Variants in SBF2 observed in about 807,000 individuals in gnomAD.
SBF2 encodes the protein SET binding factor 2, also known as myotubularin-related protein 13.
Under a neutral mutation model 225.2 loss-of-function variants are expected in SBF2, and 112 were observed. The observed-to-expected ratio is 0.50, with a 90% CI of 0.43 to 0.58. SBF2 has a LOEUF of 0.58. Among genes scored for constraint, SBF2 ranks in the 20% least tolerant of loss-of-function variants. SBF2 has a pLI of 0.00. For missense variants in SBF2, 1,996 were observed against 2,206.2 expected (o/e 0.90, Z 1.91); for synonymous variants, 763 against 773.3 (o/e 0.99, Z 0.22).
upstream of SBF2, among the ~76,000 whole-genome samples, chr11:10,295,694 C>T (rs1232632619): frequency 6.6e-6 from 1 of 152,022 alleles, no homozygotes; most frequent in Non-Finnish European, 1.5e-5. Flanking sequence ...AATCTTACTT[C>T]CTTGGGAGGC....
Position 10,186,461 on chromosome 11 carries a change from G to A in SBF2, c.141+7441C>T, listed in dbSNP as rs890792270. Among the ~76,000 whole-genome samples the A allele has an allele frequency of 2.0e-5, 3 of 152,152 alleles. No homozygotes were observed. The East Asian group carries it at 5.8e-4, about 29-fold the overall frequency. Reference sequence around the variant, plus strand: ...GGCAGGAGATCGCTTGAGTCCAGGAGTTCGTGGTTACAATGAACTAAGATC... The same window carrying A: ...GGCAGGAGATCGCTTGAGTCCAGGAATTCGTGGTTACAATGAACTAAGATC... On this transcript the variant is annotated intron_variant, in intron 2 of 39. Transcript: ENST00000256190.
intron 2 of SBF2, among the ~76,000 whole-genome samples, chr11:10,182,268 A>T (rs116486957): frequency 1.4e-3 from 206 of 152,292 alleles, no homozygotes; most frequent in African/African-American, 4.8e-3. Context: ...TTCCTTACGT[A>T]CCTTTGAAAG....
intron 6 of SBF2, among the ~76,000 whole-genome samples, chr11:10,027,658 G>A (rs1949099042): frequency 6.6e-6 from 1 of 152,166 alleles, no homozygotes; most frequent in Admixed American, 6.5e-5. Context: ...TAACGTAAAT[G>A]GGAATCTTTG....
intron 2 of SBF2, among the ~76,000 whole-genome samples, chr11:10,099,330 A>G (rs1310424496): frequency 1.3e-5 from 2 of 152,220 alleles, no homozygotes; most frequent in Non-Finnish European, 1.5e-5. Context: ...GCTGAAAAAA[A>G]CCATGTGAAC....
At chr11:9,913,696 G>GA (rs1460942314) in intron 16 of SBF2, among the ~76,000 whole-genome samples, 8 of 138,422 alleles carry the variant, frequency 5.8e-5, no homozygotes, top group Non-Finnish European at 1.3e-4. Flanking sequence ...CTGAGATGTG[G>GA]AAAAAACCAA....
intron 2 of SBF2, among the ~76,000 whole-genome samples, chr11:10,192,916 T>C (rs1957231306): frequency 6.6e-6 from 1 of 152,180 alleles, no homozygotes; most frequent in Non-Finnish European, 1.5e-5. Context: ...TTCGTAGACA[T>C]ATTACAAAGT....
At chr11:9,969,607 C>G (rs993001725) in intron 13 of SBF2, among the ~76,000 whole-genome samples, 2 of 152,116 alleles carry the variant, frequency 1.3e-5, no homozygotes, top group African/African-American at 4.8e-5. Flanking sequence ...ATGCCTGTGC[C>G]CCATGAATCT....
At chr11:9,867,408 CAG>C (rs1183412563) in intron 17 of SBF2, among the ~76,000 whole-genome samples, 3 of 152,010 alleles carry the variant, frequency 2.0e-5, no homozygotes, top group Admixed American at 2.0e-4. Context: ...GGTAAGGACA[CAG>C]AGAATGGAGA....
intron 1 of SBF2, among the ~76,000 whole-genome samples, chr11:10,269,433 T>C (rs1591339740): frequency 6.6e-6 from 1 of 152,240 alleles, no homozygotes; most frequent in East Asian, 1.9e-4. Flanking sequence ...CCTGGAACCG[T>C]AGAGAAAAGA....
At chr11:10,142,906 C>T (rs1954711375) in intron 2 of SBF2, among the ~76,000 whole-genome samples, 1 of 152,114 alleles carries the variant, frequency 6.6e-6, no homozygotes, top group South Asian at 2.1e-4. Context: ...AGAGAATGGT[C>T]TAAAGAAAGG....
rs552189161 is a variant in SBF2 at position 10,004,585 on chromosome 11, A to C, written c.620-1896T>G. On this transcript the variant is annotated intron_variant, in intron 6 of 39. Coordinates refer to ENST00000256190, the MANE Select transcript of SBF2 (RefSeq NM_030962.4). ...ATAGCTACAAAAATTAAAAAAAAAA[A>C]AAAAAAAAAACAAACTACATACCTC... is the stretch of plus-strand genomic sequence containing the variant. Among the ~76,000 whole-genome samples, 23 of 148,794 alleles carry C rather than the reference A, an allele frequency of 1.5e-4. 1 individual carries two copies. The highest frequency in any genetic ancestry group is 3.4e-3 in the Middle Eastern group (1 of 290).
intron 9 of SBF2, among the ~76,000 whole-genome samples, chr11:9,995,825 C>CTT (rs71034750): frequency 0.22 from 29,920 of 137,252 alleles, 3,965 homozygotes; most frequent in Non-Finnish European, 0.3. Flanking sequence ...AATTTTTTGT[C>CTT]TTTTTTTTTT....
intron 13 of SBF2, 90 bp from the exon 14 acceptor site, chr11:9,968,635 G>T: frequency 9.7e-7 from 1 of 1,031,022 alleles, no homozygotes; most frequent in Non-Finnish European, 1.5e-6. Context: ...AGGGACACGA[G>T]CTGGGTAGTT....
chr11:10,079,931 T>C (rs1319663935), intron 2 of SBF2, among the ~76,000 whole-genome samples: 2 of 151,956 alleles, frequency 1.3e-5, no homozygotes, highest in African/African-American at 4.8e-5. Flanking sequence ...AGATTGAGAT[T>C]CTATTTTCAA....
intron 2 of SBF2, among the ~76,000 whole-genome samples, chr11:10,133,218 G>C (rs1289432456): frequency 1.3e-5 from 2 of 149,590 alleles, no homozygotes; most frequent in South Asian, 4.2e-4. Context: ...ATCCCCATCA[G>C]ACTCAGGAGC....
intron 2 of SBF2, among the ~76,000 whole-genome samples, chr11:10,171,475 C>T (rs910993135): frequency 2.2e-4 from 33 of 152,282 alleles, no homozygotes; most frequent in African/African-American, 7.9e-4. Flanking sequence ...CCTTGTATCC[C>T]TGGGATAAAT....
chr11:10,021,853 G>A (rs868741673), intron 6 of SBF2, among the ~76,000 whole-genome samples: 1 of 152,086 alleles, frequency 6.6e-6, no homozygotes, highest in Non-Finnish European at 1.5e-5. Context: ...CCTTTATATA[G>A]AATTATCACC....
At chr11:9,823,603 G>C (rs74924820) in intron 28 of SBF2, among the ~76,000 whole-genome samples, 63 of 152,208 alleles carry the variant, frequency 4.1e-4, no homozygotes, top group African/African-American at 1.4e-3. Flanking sequence ...ACTGTGAGTC[G>C]GTACAAGGAA....
chr11:10,077,893 C>T (rs1417959301), intron 2 of SBF2, among the ~76,000 whole-genome samples: 1 of 152,156 alleles, frequency 6.6e-6, no homozygotes, highest in Admixed American at 6.5e-5. Context: ...ATCCATCTGA[C>T]AAAGGGCTAA....
Sources: gnomAD v4.1 joint callset for allele counts (sites outside exome capture counted in the v4.1 genomes callset) on GRCh38, gnomAD v4.1.1 for gene constraint, MANE v1.5 for transcripts, NCBI Gene and HGNC (gene_info 2026-07-23, HGNC 2026-07-21) for gene names.